The following GABRA3 variants were observed in gnomAD, a reference collection of about 807,000 sequenced individuals.
GABRA3 encodes the protein gamma-aminobutyric acid type A receptor subunit alpha3.
GABRA3 carries 10 observed loss-of-function variants against 30.1 expected under a neutral mutation model. The observed-to-expected ratio is 0.33, with a 90% CI of 0.20 to 0.56. The LOEUF (loss-of-function observed/expected upper bound fraction) is 0.56, where lower values mean the gene tolerates loss of function less well. Among genes scored for constraint, GABRA3 ranks in the 20% least tolerant of loss-of-function variants. The pLI, the probability that GABRA3 is intolerant of heterozygous loss-of-function variation, is 0.89. For missense variants in GABRA3, 233 were observed against 392.0 expected (o/e 0.59, Z 3.42); for synonymous variants, 151 against 146.8 (o/e 1.03, Z -0.21).
intron 1 of GABRA3, among the ~76,000 whole-genome samples, chrX:152,407,557 A>G (rs1370020027): frequency 8.9e-6 from 1 of 112,176 alleles, no homozygotes; most frequent in Non-Finnish European, 1.9e-5. Flanking sequence ...GAGATCAATA[A>G]AAAGTAATGA....
chrX:152,335,533 TAGAA>T (rs1186736170), intron 3 of GABRA3, among the ~76,000 whole-genome samples: 1 of 111,984 alleles, frequency 8.9e-6, no homozygotes, highest in Non-Finnish European at 1.9e-5. Flanking sequence ...AAAAGAAAGC[TAGAA>T]GGAGCCCTTC....
In GABRA3 at chrX:152,295,786, G is replaced by A. The variant is rs550897233; in HGVS notation, c.263-11051C>T. ...ATCACCCATCTTCTGAGTCAATCAC[G>A]CTGGGAGCTGCAGACTGGAGCTGTT... On this transcript the variant is annotated intron_variant, in intron 3 of 9. Transcript: ENST00000370314. Among the ~76,000 whole-genome samples the A allele has an allele frequency of 7.7e-4, 86 of 112,302 alleles. No individual in the cohort carries two copies. The South Asian group carries it at 0.029, about 38-fold the overall frequency.
chrX:152,356,135 T>C (rs1192847921), intron 2 of GABRA3, among the ~76,000 whole-genome samples: 2 of 111,993 alleles, frequency 1.8e-5, no homozygotes, highest in Non-Finnish European at 3.8e-5. Flanking sequence ...ACAGGAACTG[T>C]GTCCCCAAAG....
intron 1 of GABRA3, among the ~76,000 whole-genome samples, chrX:152,384,470 A>G (rs958638809): frequency 2.7e-5 from 3 of 112,138 alleles, no homozygotes; most frequent in Non-Finnish European, 5.6e-5. Context: ...TAGGTTTATA[A>G]GACAATTGAT....
At chrX:152,199,855 T>C (rs1239298787) in intron 7 of GABRA3, among the ~76,000 whole-genome samples, 1 of 109,261 alleles carries the variant, frequency 9.2e-6, no homozygotes, top group Non-Finnish European at 1.9e-5. Context: ...CACACACACA[T>C]AACACACACA....
intron 1 of GABRA3, among the ~76,000 whole-genome samples, chrX:152,403,695 CCT>C (rs1462394013): frequency 6.4e-5 from 7 of 109,850 alleles, no homozygotes; most frequent in African/African-American, 2.0e-4. Flanking sequence ...CTTCTTAACC[CCT>C]GTCAGAATTT....
At chrX:152,243,533 G>A (rs1330408017) in intron 5 of GABRA3, among the ~76,000 whole-genome samples, 3 of 111,859 alleles carry the variant, frequency 2.7e-5, no homozygotes, top group Non-Finnish European at 5.6e-5. Flanking sequence ...GGTCCACCAT[G>A]AACCCAGCTT....
chrX:152,414,039 T>C (rs1930143861), intron 1 of GABRA3, among the ~76,000 whole-genome samples: 1 of 111,592 alleles, frequency 9.0e-6, no homozygotes, highest in African/African-American at 3.2e-5. Context: ...AAATATTAAA[T>C]GGTAAAAGCA....
rs1332603256 is a variant in GABRA3, at chrX:152,230,518, C to T, written c.552-5673G>A. Among the ~76,000 whole-genome samples, 3 of 110,476 alleles carry T rather than the reference C, an allele frequency of 2.7e-5. No homozygotes were observed. The East Asian group carries it at 8.6e-4, about 32-fold the overall frequency. On this transcript the variant is annotated intron_variant, in intron 5 of 9. Transcript: ENST00000370314. ...TGAGAACACAAAGGATCTAGAATAG[C>T]CAAAGCATCTTTCAAAAAAAATCAT...
chrX:152,265,552 A>G lies in GABRA3; in HGVS notation c.331-9554T>C, dbSNP rs1938808454. 2.7e-5 allele frequency among the ~76,000 whole-genome samples: 3 copies of G among 111,713 alleles called. 1 individual carries two copies. Among genetic ancestry groups the G allele is most frequent in the African/African-American group, 9.7e-5 (3 of 30,842 alleles). ...GTGCCTCTACCAAAAAGGAAGAAAA[A>G]CTTCAAATAAACAACCTAACAATGC... is the stretch of plus-strand genomic sequence containing the variant. On this transcript the variant is annotated intron_variant, in intron 4 of 9. Coordinates refer to ENST00000370314, the MANE Select transcript of GABRA3 (RefSeq NM_000808.4).
intron 6 of GABRA3, among the ~76,000 whole-genome samples, chrX:152,220,520 A>T (rs5970229): frequency 0.1 from 11,281 of 111,277 alleles, 1,155 homozygotes; most frequent in East Asian, 0.33. Flanking sequence ...GACATTCTTT[A>T]TATGCCTTTT....
intron 1 of GABRA3, 104 bp from the exon 2 acceptor site, chrX:152,364,700 C>A: frequency 1.8e-6 from 1 of 543,115 alleles, no homozygotes; most frequent in East Asian, 3.9e-5. Flanking sequence ...TTATTAAACT[C>A]TATTAGAGCC....
intron 9 of GABRA3, among the ~76,000 whole-genome samples, chrX:152,188,954 A>G (rs895088012): frequency 1.8e-5 from 2 of 111,479 alleles, no homozygotes; most frequent in African/African-American, 6.5e-5. Context: ...TTTTATTCCT[A>G]TCAATTTAGT....
chrX:152,312,507 T>A (rs1293106729), intron 3 of GABRA3, among the ~76,000 whole-genome samples: 2 of 112,095 alleles, frequency 1.8e-5, no homozygotes, highest in African/African-American at 6.5e-5. Context: ...AAGACTTAAA[T>A]TTAAAACCTA....
intron 3 of GABRA3, among the ~76,000 whole-genome samples, chrX:152,338,251 T>C (rs1940263131): frequency 8.9e-6 from 1 of 112,236 alleles, no homozygotes; most frequent in Admixed American, 9.5e-5. Context: ...GATATATAAC[T>C]GTAGTTTCGA....
chrX:152,322,939 G>A (rs187518851), intron 3 of GABRA3, among the ~76,000 whole-genome samples: 923 of 88,297 alleles, frequency 0.01, 17 homozygotes, highest in African/African-American at 0.039. Context: ...TGCAACCTCC[G>A]CCTCCCAGGT....
At chrX:152,338,892 G>T (rs1233054628) in intron 3 of GABRA3, among the ~76,000 whole-genome samples, 1 of 98,325 alleles carries the variant, frequency 1.0e-5, no homozygotes, top group East Asian at 3.2e-4. Flanking sequence ...TGGTTTATGT[G>T]TCAGTTTTTT....
chrX:152,242,493 G>A (rs753311661), intron 5 of GABRA3, among the ~76,000 whole-genome samples: 67 of 111,768 alleles, frequency 6.0e-4, no homozygotes, highest in African/African-American at 2.1e-3. Context: ...TGGAACGGGA[G>A]AAAATATTGC....
rs4828588 is a variant in GABRA3, at chrX:152,379,036, T to C, written c.-26-14440A>G. On this transcript the variant is annotated intron_variant, in intron 1 of 9. Transcript: ENST00000370314. ...TGTCTCTCATCATAACATATCTCTT[T>C]CAGAAATTAACGTATTAGAGAGATT... Among the ~76,000 whole-genome samples the C allele has an allele frequency of 6.3e-5, 7 of 111,589 alleles. No homozygotes were observed. In the Admixed American group the frequency reaches 6.7e-4, roughly 11 times the overall value.
Sources: allele counts gnomAD v4.1 joint callset (sites outside exome capture counted in the v4.1 genomes callset), GRCh38; gene constraint gnomAD v4.1.1; transcripts MANE v1.5; gene names NCBI Gene and HGNC (gene_info 2026-07-23, HGNC 2026-07-21).